Variants in ATRNL1 observed in about 807,000 individuals in gnomAD.
ATRNL1 encodes attractin-like protein 1.
Under a neutral mutation model 182.7 loss-of-function variants are expected in ATRNL1, and 95 were observed. The ratio of observed to expected loss-of-function variants is 0.52; its 90% CI spans 0.44 to 0.62. The LOEUF is 0.62. ATRNL1 is among the 20% of genes least tolerant of loss of function. ATRNL1 has a pLI of 0.00. For synonymous variants in ATRNL1, 576 were observed against 568.3 expected (o/e 1.01, Z -0.19); for missense variants, 1,471 against 1,679.5 (o/e 0.88, Z 2.17).
chr10:115,811,283 C>T (rs1950041104), intron 27 of ATRNL1, among the ~76,000 whole-genome samples: 2 of 151,576 alleles, frequency 1.3e-5, no homozygotes, highest in Admixed American at 1.3e-4. Flanking sequence ...CACAATTTTC[C>T]AGATTTTTAA....
chr10:115,182,054 A>G (rs1554887913), intron 8 of ATRNL1, among the ~76,000 whole-genome samples: 1 of 151,662 alleles, frequency 6.6e-6, no homozygotes, highest in African/African-American at 2.4e-5. Flanking sequence ...TCAAACTCTT[A>G]GATTCAGTGA....
intron 15 of ATRNL1, among the ~76,000 whole-genome samples, chr10:115,296,683 GT>G (rs554175253): frequency 2.7e-5 from 4 of 148,382 alleles, no homozygotes; most frequent in East Asian, 2.0e-4. Context: ...TTGGCCTTAA[GT>G]TTTTTTTTTA....
At position 115,549,354 on chromosome 10, in the gene ATRNL1, G is replaced by A. The variant is rs1183268150; in HGVS notation, c.3717-104G>A. 2.0e-5 allele frequency: 13 copies of A among 636,634 alleles called. No homozygotes were observed. In the African/African-American group the frequency reaches 2.3e-4, roughly 11 times the overall value. The allele number at this position is 636,634 out of a possible 1,614,324, so 39.4% of individuals were successfully genotyped here. ...ATTTTTGATTGTTTACCTAGACAAA[G>A]TTATTACTTATATATATATGTATTT... On this transcript the variant is annotated intron_variant, in intron 25 of 28. Coordinates refer to ENST00000355044, the MANE Select transcript of ATRNL1 (RefSeq NM_207303.4).
At chr10:115,511,580 C>T (rs73373305) in intron 24 of ATRNL1, among the ~76,000 whole-genome samples, 1,871 of 151,926 alleles carry the variant, frequency 0.012, 33 homozygotes, top group African/African-American at 0.042. Flanking sequence ...TGCACAAACA[C>T]ATCAATTTAT....
chr10:115,823,837 A>T (rs901944456), intron 27 of ATRNL1, among the ~76,000 whole-genome samples: 1 of 152,362 alleles, frequency 6.6e-6, no homozygotes, highest in Admixed American at 6.5e-5. Context: ...AATATTGTGA[A>T]TATGGCCATA....
At chr10:115,941,820 C>T (rs1001258160) in intron 28 of ATRNL1, among the ~76,000 whole-genome samples, 6 of 152,140 alleles carry the variant, frequency 3.9e-5, no homozygotes, top group African/African-American at 1.4e-4. Flanking sequence ...TCCTTCAGCT[C>T]CATTAATTAA....
At chr10:115,271,226 G>T (rs1426842238) in intron 13 of ATRNL1, among the ~76,000 whole-genome samples, 5 of 150,382 alleles carry the variant, frequency 3.3e-5, no homozygotes, top group African/African-American at 9.9e-5. Context: ...AAATGAGGAG[G>T]AAATACAGTC....
At chr10:115,486,805 C>A (rs1211994130) in intron 24 of ATRNL1, among the ~76,000 whole-genome samples, 1 of 152,106 alleles carries the variant, frequency 6.6e-6, no homozygotes, top group African/African-American at 2.4e-5. Flanking sequence ...AGTCATGAGT[C>A]TTTGCCCATG....
chr10:115,245,933 AACTGTCG>A (rs2133829773), intron 10 of ATRNL1, among the ~76,000 whole-genome samples: 1 of 152,306 alleles, frequency 6.6e-6, no homozygotes, highest in South Asian at 2.1e-4. Context: ...GAATTTAGCC[AACTGTCG>A]ACTGTTTTAA....
chr10:115,332,000 C>G (rs1855249961), intron 18 of ATRNL1, among the ~76,000 whole-genome samples: 1 of 152,178 alleles, frequency 6.6e-6, no homozygotes, highest in Non-Finnish European at 1.5e-5. Flanking sequence ...GCCAAGTTCT[C>G]TGTGCTGCCT....
chr10:115,204,271 T>A (rs1338175806), intron 8 of ATRNL1, among the ~76,000 whole-genome samples: 1 of 152,060 alleles, frequency 6.6e-6, no homozygotes, highest in Non-Finnish European at 1.5e-5. Flanking sequence ...CCAATTTGGA[T>A]GTCTTTCATT....
At chr10:115,429,243 C>A (rs369490365) in intron 21 of ATRNL1, among the ~76,000 whole-genome samples, 1 of 151,832 alleles carries the variant, frequency 6.6e-6, no homozygotes, top group Admixed American at 6.6e-5. Flanking sequence ...AAATAAAATT[C>A]GTTTTAGTAT....
At position 115,093,939 on chromosome 10, in the gene ATRNL1, C is replaced by T. The variant is rs1179685166; in HGVS notation, c.189C>T (p.Cys63=). 11 of 1,595,198 alleles carry T rather than the reference C, an allele frequency of 6.9e-6. No homozygotes were observed. Among genetic ancestry groups the T allele is most frequent in the Non-Finnish European group, 8.5e-6 (10 of 1,172,390 alleles). The change falls in exon 1 of 29, where the codon TGC becomes TGT. Residue 63 remains cysteine, a synonymous_variant. Coordinates refer to ENST00000355044, the MANE Select transcript of ATRNL1 (RefSeq NM_207303.4). The surrounding 1 kb of genome is among the most constrained non-coding windows in gnomAD (Gnocchi z 6.1). ...CGCAGGTGTCCCAGTCCAAGCCGTG[C>T]GAGAGGACCGGCTCCTGCTTCTCGG... is the stretch of plus-strand genomic sequence containing the variant. The part of the protein sequence containing the change: ...LYAQVSQSKP[C]ERTGSCFSGR...
chr10:115,240,490 G>A (rs949262301), intron 9 of ATRNL1, among the ~76,000 whole-genome samples: 6 of 151,982 alleles, frequency 3.9e-5, no homozygotes, highest in East Asian at 1.9e-4. Flanking sequence ...TCCTGATCTC[G>A]TGATCCACCC....
At chr10:115,424,467 G>A (rs1289671208) in intron 20 of ATRNL1, among the ~76,000 whole-genome samples, 1 of 152,092 alleles carries the variant, frequency 6.6e-6, no homozygotes, top group Non-Finnish European at 1.5e-5. Context: ...GTATTTTGAA[G>A]ATACATCTGT....
chr10:115,327,719 A>T (rs1854982291), intron 18 of ATRNL1, among the ~76,000 whole-genome samples: 1 of 151,708 alleles, frequency 6.6e-6, no homozygotes, highest in Non-Finnish European at 1.5e-5. Flanking sequence ...GGATTAAGAA[A>T]TGTGGCACAT....
intron 26 of ATRNL1, among the ~76,000 whole-genome samples, chr10:115,635,887 A>G (rs552904796): frequency 6.6e-6 from 1 of 152,324 alleles, no homozygotes; most frequent in South Asian, 2.1e-4. Flanking sequence ...ACATATACAC[A>G]AAGCTAGAAA....
Position 115,300,225 on chromosome 10 carries a change from C to A in ATRNL1, c.2607C>A (p.Gly869=). The A allele has an allele frequency of 6.2e-7, 1 of 1,613,716 alleles. No homozygotes were observed. The highest frequency in any genetic ancestry group is 1.3e-5 in the African/African-American group (1 of 75,050). ...KANPCTSMAN[G]LVCEKPVVSP... The stretch of plus-strand genomic sequence containing the variant: ...ATCCTTGTACATCTATGGCAAATGG[C>A]CTTGTCTGTGAAAAACCTGTTGGTA... Residue 869 remains glycine, a synonymous_variant, in exon 16 of 29, where the codon GGC becomes GGA. Transcript: ENST00000355044.
chr10:115,158,751 C>CT (rs1252374160), intron 5 of ATRNL1, among the ~76,000 whole-genome samples: 2 of 151,824 alleles, frequency 1.3e-5, no homozygotes, highest in African/African-American at 2.4e-5. Context: ...AAATGACAAT[C>CT]TAAAACTTTT....
Sources: gnomAD v4.1 joint callset for allele counts (sites outside exome capture counted in the v4.1 genomes callset) on GRCh38, gnomAD v4.1.1 for gene constraint, Gnocchi (gnomAD v3.1) non-coding constraint, MANE v1.5 for transcripts, NCBI Gene and HGNC (gene_info 2026-07-23, HGNC 2026-07-21) for gene names.